RANBP2: variants seen among roughly 807,000 people sequenced by gnomAD.
The protein encoded by RANBP2 is RAN binding protein 2.
In RANBP2, 57 loss-of-function variants were observed where a neutral mutation model predicts 303.6. The ratio of observed to expected loss-of-function variants is 0.19; its 90% CI spans 0.15 to 0.23. RANBP2 has a LOEUF of 0.23. Ranked by LOEUF, RANBP2 falls within the 10% of genes least tolerant of loss-of-function variation. The pLI is 1.00. For missense variants in RANBP2, 3,138 were observed against 3,780.8 expected, an observed-to-expected ratio of 0.83 and a Z score of 4.46; for synonymous variants, 1,167 against 1,301.5, an observed-to-expected ratio of 0.90 and a Z score of 2.23.
chr2:109,420,580 G>A, the RANBP2 span, among the ~76,000 whole-genome samples: 1 of 152,168 alleles, frequency 6.6e-6, no homozygotes, highest in South Asian at 2.1e-4. Context: ...CAAGTAGCTG[G>A]GACTACAGGT....
chr2:109,562,017 C>A, the RANBP2 span, among the ~76,000 whole-genome samples: 1 of 151,818 alleles, frequency 6.6e-6, no homozygotes, highest in Admixed American at 6.6e-5. Context: ...TCAAGACCAG[C>A]CTGGCCAACA....
At chr2:108,931,081 G>T in the RANBP2 span, 1 of 1,527,382 alleles carries the variant, frequency 6.5e-7, no homozygotes, top group Non-Finnish European at 9.1e-7. Flanking sequence ...CACCCCAGCC[G>T]GGGGTCTGGC....
chr2:109,159,784 A>G, the RANBP2 span, among the ~76,000 whole-genome samples: 4 of 152,184 alleles, frequency 2.6e-5, no homozygotes. Context: ...TGAACTGCAC[A>G]TGCGGGGGAT....
the RANBP2 span, among the ~76,000 whole-genome samples, chr2:109,519,834 T>A: frequency 2.0e-5 from 3 of 152,030 alleles, no homozygotes; most frequent in Non-Finnish European, 4.4e-5. Flanking sequence ...AATTACGAAA[T>A]GATAGAGATG....
chr2:109,131,381 G>A, the RANBP2 span, among the ~76,000 whole-genome samples: 1 of 152,104 alleles, frequency 6.6e-6, no homozygotes, highest in African/African-American at 2.4e-5. Flanking sequence ...AAATGCTTGC[G>A]TTAGAAATTT....
chr2:109,348,229 C>T, the RANBP2 span, among the ~76,000 whole-genome samples: 1 of 152,216 alleles, frequency 6.6e-6, no homozygotes, highest in Non-Finnish European at 1.5e-5. Flanking sequence ...CCATCAGCAC[C>T]AGGAGCAGAA....
the RANBP2 span, chr2:108,816,081 T>A: frequency 1.2e-6 from 2 of 1,611,540 alleles, no homozygotes; most frequent in South Asian, 2.2e-5. Flanking sequence ...CCCAGAGAAA[T>A]GATATTCAGG....
the RANBP2 span, among the ~76,000 whole-genome samples, chr2:109,115,682 G>A: frequency 5.9e-5 from 9 of 152,174 alleles, no homozygotes; most frequent in African/African-American, 1.9e-4. Flanking sequence ...TTTGATGTTA[G>A]CTGGTTATTT....
the RANBP2 span, among the ~76,000 whole-genome samples, chr2:108,820,269 A>G: frequency 6.6e-6 from 1 of 152,096 alleles, no homozygotes; most frequent in African/African-American, 2.4e-5. Flanking sequence ...AAATAATAAA[A>G]TTATGTCAGA....
At position 108,784,015 on chromosome 2, in the gene RANBP2, A is replaced by T; in HGVS notation, c.*114A>T. 1 of 1,036,232 alleles carries T rather than the reference A, an allele frequency of 9.7e-7. No homozygotes were observed. The allele number at this position is 1,036,232 out of a possible 1,614,324, so 64.2% of individuals were successfully genotyped here. On this transcript the variant is annotated 3_prime_UTR_variant, in exon 29 of 29. Transcript: ENST00000283195. ...GAAAATGGACGTTTCCGATTTACAA[A>T]TGTAAAATTGCAGCTTATAGCTGTT...
chr2:109,186,123 C>G, the RANBP2 span, among the ~76,000 whole-genome samples: 1 of 152,376 alleles, frequency 6.6e-6, no homozygotes, highest in Non-Finnish European at 1.5e-5. Context: ...GGCCCTGTCT[C>G]TGTGTCCTTG....
the RANBP2 span, among the ~76,000 whole-genome samples, chr2:109,330,214 G>GT: frequency 1.3e-5 from 2 of 152,222 alleles, no homozygotes; most frequent in African/African-American, 2.4e-5. Flanking sequence ...GGAATGTGTG[G>GT]TAAGTCTCCC....
At chr2:109,116,404 TTC>T in the RANBP2 span, among the ~76,000 whole-genome samples, 1 of 152,248 alleles carries the variant, frequency 6.6e-6, no homozygotes, top group South Asian at 2.1e-4. Context: ...CTGATACCCT[TTC>T]TTCCAGTTGA....
At chr2:108,893,840 TA>T in the RANBP2 span, among the ~76,000 whole-genome samples, 1 of 152,160 alleles carries the variant, frequency 6.6e-6, no homozygotes, top group Admixed American at 6.5e-5. Flanking sequence ...TCAAAATAAT[TA>T]TGTAATCCTC....
the RANBP2 span, among the ~76,000 whole-genome samples, chr2:109,708,701 G>A: frequency 2.0e-5 from 3 of 152,136 alleles, no homozygotes; most frequent in Admixed American, 2.0e-4. Flanking sequence ...ACAAGACTGG[G>A]CATGGTGGTT....
At chr2:109,449,503 C>A in the RANBP2 span, 1 of 1,611,874 alleles carries the variant, frequency 6.2e-7, no homozygotes, top group Non-Finnish European at 8.5e-7. Context: ...AGAGGCCCAT[C>A]CTGGACGAGC....
the RANBP2 span, chr2:109,574,449 A>T: frequency 1.1e-4 from 64 of 578,274 alleles, no homozygotes; most frequent in African/African-American, 9.6e-4. Flanking sequence ...TCTCTAAAAA[A>T]AAAAAAAAAA....
At chr2:109,078,245 GTGTATATATATATATATAGCGCGTA>G in the RANBP2 span, among the ~76,000 whole-genome samples, 3 of 33,948 alleles carry the variant, frequency 8.8e-5, no homozygotes, top group African/African-American at 1.0e-4. Context: ...TATATATAGC[GTGTATATATATATATATAGCGCGTA>G]TATATATATA....
chr2:109,094,170 C>T, the RANBP2 span, among the ~76,000 whole-genome samples: 2 of 152,098 alleles, frequency 1.3e-5, no homozygotes, highest in Non-Finnish European at 2.9e-5. Flanking sequence ...AATATGGAAA[C>T]ATCCCCAGCC....
Sources: allele counts gnomAD v4.1 joint callset (sites outside exome capture counted in the v4.1 genomes callset), GRCh38; gene constraint gnomAD v4.1.1; transcripts MANE v1.5; gene names NCBI Gene and HGNC (gene_info 2026-07-23, HGNC 2026-07-21).